Variants in MYOF observed in about 807,000 individuals in gnomAD.
MYOF encodes fer-1-like 3, myoferlin.
A neutral mutation model predicts 284.2 loss-of-function variants in MYOF; 244 were observed. The observed-to-expected ratio is 0.86, with a 90% CI of 0.77 to 0.95. MYOF has a LOEUF of 0.95. Ranked by LOEUF, MYOF falls within the 40% of genes least tolerant of loss-of-function variation. MYOF has a pLI of 0.00. For synonymous variants in MYOF, 904 were observed against 919.7 expected, an observed-to-expected ratio of 0.98 and a Z score of 0.31; for missense variants, 2,496 against 2,560.6, an observed-to-expected ratio of 0.97 and a Z score of 0.54.
At position 93,465,302 on chromosome 10, in the gene MYOF, A is replaced by G. The variant is rs376943053; in HGVS notation, c.89-8365T>C. Among the ~76,000 whole-genome samples, 217 of 152,326 alleles carry G rather than the reference A, an allele frequency of 1.4e-3. 6 individuals are homozygous for G. The South Asian group carries it at 0.043, about 31-fold the overall frequency. On this transcript the variant is annotated intron_variant, in intron 1 of 53. Transcript: ENST00000359263. ...GCCTTGAAGGCTGAGACTATGTATT[A>G]TTAATATTGTTATTCCCCCCACAAC...
At chr10:93,406,627 G>T (rs1847605892) in intron 7 of MYOF, among the ~76,000 whole-genome samples, 1 of 151,070 alleles carries the variant, frequency 6.6e-6, no homozygotes, top group African/African-American at 2.4e-5. Context: ...TCCATTTCCA[G>T]TGCCCCATCT....
rs537506935 is a variant in MYOF, at chr10:93,430,926, G to T, written c.345+482C>A. Among the ~76,000 whole-genome samples, 19 of 151,624 alleles carry T rather than the reference G, an allele frequency of 1.3e-4. 1 individual carries two copies. In the South Asian group the frequency reaches 3.3e-3, roughly 27 times the overall value. ...GAAAAATCTCAAAACCAGATTTTTT[G>T]TGTGTGTGGTTAGCTAATTACCAAT... On this transcript the variant is annotated intron_variant, in intron 4 of 53. Coordinates refer to ENST00000359263, the MANE Select transcript of MYOF (RefSeq NM_013451.4).
intron 1 of MYOF, among the ~76,000 whole-genome samples, chr10:93,470,185 C>T (rs12245658): frequency 0.052 from 7,645 of 145,620 alleles, 468 homozygotes; most frequent in East Asian, 0.24. Context: ...GCTGAGATCA[C>T]GTGACTATAC....
intron 25 of MYOF, among the ~76,000 whole-genome samples, chr10:93,366,914 AC>A (rs1845350296): frequency 7.2e-6 from 1 of 138,652 alleles, no homozygotes; most frequent in Non-Finnish European, 1.7e-5. Context: ...TAGTTCGCGA[AC>A]CTTATCTTTT....
chr10:93,446,874 C>T (rs143762822), intron 3 of MYOF, among the ~76,000 whole-genome samples: 302 of 152,108 alleles, frequency 2.0e-3, no homozygotes, highest in African/African-American at 6.9e-3. Context: ...TGCACAACCA[C>T]GCCCAGCTAA....
rs1460011210 is a variant in MYOF, at chr10:93,306,451, A to G, written c.*512T>C. The G allele has an allele frequency of 6.6e-6, 1 of 152,568 alleles. No homozygotes were observed. Among genetic ancestry groups the G allele is most frequent in the Admixed American group, 6.5e-5 (1 of 15,288 alleles). 9.5% of individuals were successfully genotyped at this position (152,568 alleles called of 1,614,324 possible). ...GTGTAAAGGTGAAACATTTTTATTT[A>G]GTTTCATTACAGAGGTTAAATAGAC... is the stretch of plus-strand genomic sequence containing the variant. On this transcript the variant is annotated 3_prime_UTR_variant, in exon 54 of 54. Transcript: ENST00000359263.
chr10:93,404,348 G>T, intron 7 of MYOF, 129 bp from the exon 8 acceptor site: 1 of 888,952 alleles, frequency 1.1e-6, no homozygotes, highest in Non-Finnish European at 1.8e-6. Context: ...TTGACCATGT[G>T]AACACATGGC....
At chr10:93,354,663 T>TCTCTCTCTCTC (rs1844701533) in intron 31 of MYOF, among the ~76,000 whole-genome samples, 1 of 60,242 alleles carries the variant, frequency 1.7e-5, no homozygotes, top group African/African-American at 5.4e-5. Context: ...CACTCACACA[T>TCTCTCTCTCTC]TCACTCTCTC....
At chr10:93,328,029 C>T (rs1843131806) in intron 45 of MYOF, among the ~76,000 whole-genome samples, 1 of 152,160 alleles carries the variant, frequency 6.6e-6, no homozygotes, top group East Asian at 1.9e-4. Context: ...CTCGACCTCC[C>T]AAAGTGCTGA....
chr10:93,314,852 C>A (rs1013139436), intron 50 of MYOF, among the ~76,000 whole-genome samples: 1 of 152,068 alleles, frequency 6.6e-6, no homozygotes, highest in African/African-American at 2.4e-5. Flanking sequence ...AATTTGAGAC[C>A]AGCTTGGGCA....
chr10:93,422,622 C>G (rs969958295), intron 5 of MYOF, among the ~76,000 whole-genome samples: 2 of 152,050 alleles, frequency 1.3e-5, no homozygotes, highest in East Asian at 3.9e-4. Context: ...TATGGTGAAA[C>G]CCCAACTCTA....
At chr10:93,340,351 C>T (rs1012702264) in intron 38 of MYOF, 187 bp from the exon 39 acceptor site, 1 of 576,948 alleles carries the variant, frequency 1.7e-6, no homozygotes, top group African/African-American at 1.9e-5. Context: ...GAGCCCACAA[C>T]TGAACCCACC....
intron 49 of MYOF, among the ~76,000 whole-genome samples, chr10:93,318,930 T>C (rs1039743345): frequency 6.6e-6 from 1 of 151,966 alleles, no homozygotes; most frequent in African/African-American, 2.4e-5. Context: ...ATAGAAGACA[T>C]CTGTTGTTAT....
intron 9 of MYOF, 34 bp from the exon 10 acceptor site, chr10:93,402,924 G>A (rs1428687771): frequency 1.9e-6 from 3 of 1,571,898 alleles, no homozygotes; most frequent in Admixed American, 1.7e-5. Context: ...AGTCTAAGTA[G>A]ATTTTAAAAT....
intron 12 of MYOF, among the ~76,000 whole-genome samples, chr10:93,399,804 G>A (rs111473354): frequency 0.072 from 10,979 of 152,098 alleles, 497 homozygotes; most frequent in African/African-American, 0.11. Flanking sequence ...CCTGGGAGGC[G>A]GAGATTGCAG....
intron 5 of MYOF, among the ~76,000 whole-genome samples, chr10:93,413,814 C>T (rs933643312): frequency 6.7e-6 from 1 of 149,724 alleles, no homozygotes; most frequent in Non-Finnish European, 1.5e-5. Flanking sequence ...CATAGGGAGA[C>T]CCCCCATCTC....
intron 37 of MYOF, 102 bp from the exon 38 acceptor site, chr10:93,344,034 G>A: frequency 2.4e-6 from 3 of 1,236,798 alleles, no homozygotes; most frequent in Non-Finnish European, 3.5e-6. Flanking sequence ...GGATGGTAGA[G>A]TTTATTCTTG....
chr10:93,373,584 C>T (rs1845693078), intron 23 of MYOF, among the ~76,000 whole-genome samples: 3 of 137,650 alleles, frequency 2.2e-5, no homozygotes, highest in East Asian at 4.7e-4. Flanking sequence ...TCCCTATTGG[C>T]ACACAGTGGT....
intron 36 of MYOF, among the ~76,000 whole-genome samples, chr10:93,349,371 G>A (rs562012103): frequency 6.6e-6 from 1 of 152,284 alleles, no homozygotes. Flanking sequence ...CCAAGGTCAT[G>A]GCCCTATCAC....
Sources: allele counts gnomAD v4.1 joint callset (sites outside exome capture counted in the v4.1 genomes callset), GRCh38; gene constraint gnomAD v4.1.1; transcripts MANE v1.5; gene names NCBI Gene and HGNC (gene_info 2026-07-23, HGNC 2026-07-21).